Variants in ROBO1 observed in about 807,000 individuals in gnomAD.
ROBO1 encodes roundabout guidance receptor 1, also known as roundabout homolog 1.
Under a neutral mutation model 195.9 loss-of-function variants are expected in ROBO1, and 149 were observed. The observed-to-expected ratio is 0.76, with a 90% CI of 0.67 to 0.87. The LOEUF (loss-of-function observed/expected upper bound fraction) is 0.87. Ranked by LOEUF, ROBO1 falls within the 40% of genes least tolerant of loss-of-function variation. ROBO1 has a pLI of 0.00. For synonymous variants in ROBO1, 816 were observed against 733.2 expected (o/e 1.11, Z -1.82); for missense variants, 1,933 against 2,068.3 (o/e 0.93, Z 1.27).
At chr3:78,736,711 G>T (rs1026872343) in intron 5 of ROBO1, among the ~76,000 whole-genome samples, 2 of 152,200 alleles carry the variant, frequency 1.3e-5, no homozygotes, top group African/African-American at 2.4e-5. Flanking sequence ...AAACTAATTT[G>T]TGTGCCAGAA....
chr3:78,790,309 A>G (rs925516570), intron 4 of ROBO1, among the ~76,000 whole-genome samples: 26 of 152,056 alleles, frequency 1.7e-4, no homozygotes, highest in African/African-American at 6.3e-4. Flanking sequence ...TGCTTTCATT[A>G]TTTTTTATTT....
At chr3:79,277,277 C>G (rs1297449157) in intron 2 of ROBO1, among the ~76,000 whole-genome samples, 1 of 152,010 alleles carries the variant, frequency 6.6e-6, no homozygotes, top group African/African-American at 2.4e-5. Flanking sequence ...CAATAGAGTA[C>G]TATTCAGCCA....
intron 4 of ROBO1, among the ~76,000 whole-genome samples, chr3:78,904,386 G>T (rs950368627): frequency 6.6e-6 from 1 of 151,992 alleles, no homozygotes; most frequent in Non-Finnish European, 1.5e-5. Context: ...AATTATTCAT[G>T]ACAGGTACTA....
intron 2 of ROBO1, among the ~76,000 whole-genome samples, chr3:79,334,607 T>C (rs2034590782): frequency 6.6e-6 from 1 of 152,012 alleles, no homozygotes; most frequent in Non-Finnish European, 1.5e-5. Context: ...AATATGTTTA[T>C]AGACGTCACT....
In ROBO1 at chr3:78,633,891, T is replaced by A. The variant is rs773965548; in HGVS notation, c.3481+44A>T. The A allele has an allele frequency of 2.3e-6, 3 of 1,311,530 alleles. No homozygotes were observed. The Admixed American group carries it at 5.4e-5, about 24-fold the overall frequency. The allele number at this position is 1,311,530 out of a possible 1,614,324, so 81.2% of individuals were successfully genotyped here. Reference sequence around the variant, plus strand: ...GCACTCAATTTGTAATCTTGGAAAGTACCAGCTTTTTAAAGGAGAAGTTCT... The same window carrying A: ...GCACTCAATTTGTAATCTTGGAAAGAACCAGCTTTTTAAAGGAGAAGTTCT... On this transcript the variant is annotated intron_variant, in intron 24 of 30. Transcript: ENST00000464233.
intron 4 of ROBO1, among the ~76,000 whole-genome samples, chr3:78,922,702 C>T (rs1296842973): frequency 2.6e-5 from 4 of 151,342 alleles, no homozygotes; most frequent in African/African-American, 9.7e-5. Flanking sequence ...CTCTGCCTCC[C>T]GGGTTCAAGC....
intron 4 of ROBO1, among the ~76,000 whole-genome samples, chr3:78,855,788 T>TA (rs1476582370): frequency 6.6e-6 from 1 of 152,030 alleles, no homozygotes; most frequent in Non-Finnish European, 1.5e-5. Flanking sequence ...AAAATTGCTT[T>TA]AAAAAATCCT....
chr3:78,671,866 G>A (rs1239853850), intron 10 of ROBO1, among the ~76,000 whole-genome samples: 3 of 152,130 alleles, frequency 2.0e-5, no homozygotes, highest in African/African-American at 4.8e-5. Context: ...TATATTCAAT[G>A]TTCTCTATCT....
chr3:79,439,243 G>T (rs992339369), intron 2 of ROBO1, among the ~76,000 whole-genome samples: 2 of 151,900 alleles, frequency 1.3e-5, no homozygotes, highest in Non-Finnish European at 1.5e-5. Context: ...GGCAAATTTC[G>T]TACTGTGGAA....
chr3:78,832,369 C>T (rs2032304346), intron 4 of ROBO1, among the ~76,000 whole-genome samples: 1 of 151,968 alleles, frequency 6.6e-6, no homozygotes, highest in Non-Finnish European at 1.5e-5. Context: ...GTGTATATGC[C>T]TCCGCCTTTA....
At chr3:79,383,589 G>C (rs886279513) in intron 2 of ROBO1, among the ~76,000 whole-genome samples, 2 of 152,002 alleles carry the variant, frequency 1.3e-5, no homozygotes, top group Admixed American at 6.6e-5. Context: ...GAACTGGAAC[G>C]AAGCCACATT....
intron 1 of ROBO1, among the ~76,000 whole-genome samples, chr3:79,654,125 A>T (rs891723884): frequency 1.3e-5 from 2 of 152,018 alleles, no homozygotes; most frequent in Admixed American, 6.6e-5. Flanking sequence ...TATTACAAGG[A>T]TAGATATATT....
intron 2 of ROBO1, among the ~76,000 whole-genome samples, chr3:79,236,528 T>G (rs910764293): frequency 6.6e-6 from 1 of 152,210 alleles, no homozygotes; most frequent in African/African-American, 2.4e-5. Context: ...TCCAACAACT[T>G]AAAGTCTTTT....
At chr3:79,373,732 G>T (rs953051305) in intron 2 of ROBO1, among the ~76,000 whole-genome samples, 2 of 152,116 alleles carry the variant, frequency 1.3e-5, no homozygotes, top group Admixed American at 1.3e-4. Context: ...GACCATGAAT[G>T]AATTAACTTA....
chr3:78,747,098 G>A (rs2082676693), intron 4 of ROBO1, among the ~76,000 whole-genome samples, 198 bp from the exon 5 acceptor site: 2 of 152,078 alleles, frequency 1.3e-5, no homozygotes, highest in Non-Finnish European at 2.9e-5. Context: ...ACACAGAAGG[G>A]ATAATTTGAT....
intron 3 of ROBO1, among the ~76,000 whole-genome samples, chr3:79,013,524 T>G (rs1010354728): frequency 3.3e-5 from 5 of 152,202 alleles, no homozygotes; most frequent in Admixed American, 3.3e-4. Flanking sequence ...AACCACAGTT[T>G]CATTTAAGTG....
At chr3:79,369,732 C>G (rs1467505873) in intron 2 of ROBO1, among the ~76,000 whole-genome samples, 3 of 150,046 alleles carry the variant, frequency 2.0e-5, no homozygotes, top group Non-Finnish European at 4.4e-5. Flanking sequence ...GATTTCTGGT[C>G]TAATTCTAAC....
At chr3:79,585,382 C>T (rs141988570) in intron 2 of ROBO1, among the ~76,000 whole-genome samples, 318 of 152,026 alleles carry the variant, frequency 2.1e-3, no homozygotes, top group African/African-American at 7.2e-3. Flanking sequence ...ATTTAAAACC[C>T]ACTGATCTGC....
chr3:78,991,056 A>G (rs917040158), intron 3 of ROBO1, among the ~76,000 whole-genome samples: 4 of 152,202 alleles, frequency 2.6e-5, no homozygotes, highest in Non-Finnish European at 5.9e-5. Flanking sequence ...TATTACAGGT[A>G]ATAACCTACA....
Sources: allele counts gnomAD v4.1 joint callset (sites outside exome capture counted in the v4.1 genomes callset), GRCh38; gene constraint gnomAD v4.1.1; transcripts MANE v1.5; gene names NCBI Gene and HGNC (gene_info 2026-07-23, HGNC 2026-07-21).